PIEZO2: variants seen among roughly 807,000 people sequenced by gnomAD.
PIEZO2 encodes the protein piezo-type mechanosensitive ion channel component 2.
PIEZO2 carries 172 observed loss-of-function variants against 337.3 expected under a neutral mutation model. That is an observed-to-expected ratio of 0.51 (90% confidence interval 0.45 to 0.58). The LOEUF is 0.58. Ranked by LOEUF, PIEZO2 falls within the 20% of genes least tolerant of loss-of-function variation. The probability of loss-of-function intolerance (pLI) is 0.00; values close to 1 mark genes in which losing one functional copy is unlikely to be tolerated. For synonymous variants in PIEZO2, 1,251 were observed against 1,228.5 expected, an observed-to-expected ratio of 1.02 and a Z score of -0.38; for missense variants, 3,028 against 3,391.3, an observed-to-expected ratio of 0.89 and a Z score of 2.66.
chr18:10,924,954 T>TA (rs2031641162), intron 3 of PIEZO2, among the ~76,000 whole-genome samples: 1 of 152,144 alleles, frequency 6.6e-6, no homozygotes, highest in Non-Finnish European at 1.5e-5. Flanking sequence ...TTATGAAAAA[T>TA]AAAAACTTAT....
rs547000060 is a variant in PIEZO2, at chr18:11,081,759, C to CTTT, written c.65-15540_65-15538dup. Among the ~76,000 whole-genome samples the CTTT allele has an allele frequency of 1.6e-3, 223 of 137,452 alleles. 1 individual carries two copies. The highest frequency in any genetic ancestry group is 3.8e-3 in the Middle Eastern group (1 of 264). The allele number at this position is 137,452 out of a possible 152,430, so 90.2% of individuals were successfully genotyped here. On this transcript the variant is annotated intron_variant, in intron 1 of 55. Transcript: ENST00000674853. ...AGCAAACACACCCTACTCAACTCAA[C>CTTT]TTTTTTTTTTTTTTTTTTGAGATGG...
intron 3 of PIEZO2, among the ~76,000 whole-genome samples, chr18:10,956,887 T>G (rs1473834194): frequency 6.7e-6 from 1 of 150,246 alleles, no homozygotes; most frequent in East Asian, 2.0e-4. Flanking sequence ...GAGAATCACT[T>G]GAACCCAGGA....
At position 10,797,733 on chromosome 18, in the gene PIEZO2, A is replaced by G. The variant is rs55633878; in HGVS notation, c.1379-211T>C. Reference sequence around the variant, plus strand: ...TGGGATCTAGCATGTGATAATTGAGAAAGGAAAATTTCCATGTAAGAAGAT... The same window carrying G: ...TGGGATCTAGCATGTGATAATTGAGGAAGGAAAATTTCCATGTAAGAAGAT... On this transcript the variant is annotated intron_variant, in intron 11 of 55. Transcript: ENST00000674853. Among the ~76,000 whole-genome samples, 42,536 of 152,138 alleles carry G rather than the reference A, an allele frequency of 0.28. 6,960 individuals are homozygous for G. Among genetic ancestry groups the G allele is most frequent in the Middle Eastern group, 0.41 (120 of 294 alleles).
intron 42 of PIEZO2, among the ~76,000 whole-genome samples, chr18:10,702,761 T>C (rs929328843): frequency 6.6e-6 from 1 of 152,252 alleles, no homozygotes; most frequent in African/African-American, 2.4e-5. Context: ...GTTTGTATGA[T>C]AGAGTAAATC....
chr18:10,985,702 T>C (rs868483863), intron 2 of PIEZO2, among the ~76,000 whole-genome samples: 2 of 151,904 alleles, frequency 1.3e-5, no homozygotes, highest in African/African-American at 4.8e-5. Flanking sequence ...ATAAGACTCA[T>C]GATAATTACA....
chr18:10,855,408 A>C lies in PIEZO2; in HGVS notation c.862T>G (p.Leu288Val), dbSNP rs1052050225. ...FTAGHLIGLY[L>V]YQFQFFQEAV... Reference sequence around the variant, plus strand: ...TCTTGAAAGAATTGGAACTGGTATAAATAAAGTCCAATCAAATGTCCAGCA... The same window carrying C: ...TCTTGAAAGAATTGGAACTGGTATACATAAAGTCCAATCAAATGTCCAGCA... The change falls in exon 7 of 56, where the codon TTA (leucine) becomes GTA (valine). Residue 288 changes from leucine (L) to valine (V), a missense_variant. Coordinates refer to ENST00000674853, the MANE Select transcript of PIEZO2 (RefSeq NM_001378183.1). The surrounding 1 kb of genome is among the most constrained non-coding windows in gnomAD (Gnocchi z 4.9). 6.5e-7 allele frequency: 1 copy of C among 1,537,144 alleles called. No individual in the cohort carries two copies. Among genetic ancestry groups the C allele is most frequent in the Admixed American group, 2.0e-5 (1 of 51,002 alleles).
chr18:10,717,854 TA>T (rs2143910102), intron 37 of PIEZO2, among the ~76,000 whole-genome samples: 1 of 152,340 alleles, frequency 6.6e-6, no homozygotes, highest in South Asian at 2.1e-4. Flanking sequence ...CTGTGTTTTT[TA>T]AAAATAATTG....
Position 10,682,421 on chromosome 18 carries a change from G to T in PIEZO2, c.7498-129C>A. 1 of 815,324 alleles carries T rather than the reference G, an allele frequency of 1.2e-6. No individual in the cohort carries two copies. The highest frequency in any genetic ancestry group is 1.9e-6 in the Non-Finnish European group (1 of 532,712). The allele number at this position is 815,324 out of a possible 1,614,324, so 50.5% of individuals were successfully genotyped here. On this transcript the variant is annotated intron_variant, in intron 49 of 55. Transcript: ENST00000674853. This position sits in a 1 kb window ranked among gnomAD's most constrained non-coding sequence, Gnocchi z 5.6. ...ATGGATTTGGCCCTGAATCTTCTCT[G>T]TTCGCTCTGAAATGGGGATAGCAAC...
chr18:10,890,304 T>A (rs1296331089), intron 4 of PIEZO2, among the ~76,000 whole-genome samples: 1 of 152,206 alleles, frequency 6.6e-6, no homozygotes, highest in Non-Finnish European at 1.5e-5. Flanking sequence ...AGAGCAGGCC[T>A]CATTTGTCAA....
intron 35 of PIEZO2, among the ~76,000 whole-genome samples, chr18:10,733,854 G>T (rs1192084396): frequency 6.6e-6 from 1 of 152,160 alleles, no homozygotes; most frequent in South Asian, 2.1e-4. Flanking sequence ...AAAATACATG[G>T]AAATTTACAT....
rs543635674 is a variant in PIEZO2, at chr18:11,096,755, G to A, written c.65-30533C>T. Among the ~76,000 whole-genome samples the A allele has an allele frequency of 9.2e-5, 14 of 152,254 alleles. No homozygotes were observed. Among genetic ancestry groups the A allele is most frequent in the Admixed American group, 2.0e-4 (3 of 15,294 alleles). ...AGAAGGGACAGTGAGTTGCCTAGTC[G>A]CCTACATAGCTCAGGCTGACCACAC... On this transcript the variant is annotated intron_variant, in intron 1 of 55. Transcript: ENST00000674853. This position sits in a 1 kb window ranked among gnomAD's most constrained non-coding sequence, Gnocchi z 4.6.
At chr18:10,683,118 T>A (rs2034347800) in intron 49 of PIEZO2, among the ~76,000 whole-genome samples, 1 of 152,252 alleles carries the variant, frequency 6.6e-6, no homozygotes, top group African/African-American at 2.4e-5. Context: ...CCAAGCTACA[T>A]GCAGAACATG....
intron 33 of PIEZO2, chr18:10,740,378 G>A (rs138376682): frequency 4.6e-5 from 7 of 152,458 alleles, no homozygotes; most frequent in African/African-American, 1.7e-4. Context: ...GCATCAGGTG[G>A]CTTGAAGGCT....
At chr18:10,693,659 C>A (rs764342809) in intron 47 of PIEZO2, among the ~76,000 whole-genome samples, 1 of 151,666 alleles carries the variant, frequency 6.6e-6, no homozygotes, top group Admixed American at 6.6e-5. Context: ...AGCCACCATG[C>A]CCAACCCAAT....
intron 3 of PIEZO2, among the ~76,000 whole-genome samples, chr18:10,926,743 C>T (rs1383859744): frequency 1.3e-5 from 2 of 152,156 alleles, no homozygotes; most frequent in Non-Finnish European, 2.9e-5. Context: ...GATCAGCCTG[C>T]CAAGGGTGGC....
chr18:10,827,571 T>C (rs1486961762), intron 7 of PIEZO2, among the ~76,000 whole-genome samples: 2 of 152,164 alleles, frequency 1.3e-5, no homozygotes, highest in Admixed American at 1.3e-4. Context: ...GCTTAGGTGG[T>C]ATTAGGCAGC....
At chr18:10,675,461 C>G (rs1001014927) in intron 53 of PIEZO2, among the ~76,000 whole-genome samples, 173 bp from the exon 54 acceptor site, 2 of 152,148 alleles carry the variant, frequency 1.3e-5, no homozygotes, top group African/African-American at 2.4e-5. Context: ...TCAAAACTCT[C>G]TCATATGGAG....
At chr18:10,757,867 A>C in intron 27 of PIEZO2, 102 bp downstream of exon 27, 1 of 1,214,826 alleles carries the variant, frequency 8.2e-7, no homozygotes, top group Admixed American at 2.6e-5. Context: ...TATACAATTC[A>C]GCAGATCTGT....
Position 10,815,563 on chromosome 18 carries a change from A to G in PIEZO2, c.918-8289T>C, listed in dbSNP as rs1474909692. On this transcript the variant is annotated intron_variant, in intron 7 of 55. Transcript: ENST00000674853. The surrounding 1 kb of genome is among the most constrained non-coding windows in gnomAD (Gnocchi z 4.1). ...ATACAATTGTTTTGGATTGTAAGCT[A>G]CAGGGTCACCAGATTTCTTATGTGA... Among the ~76,000 whole-genome samples, 5 of 152,210 alleles carry G rather than the reference A, an allele frequency of 3.3e-5. No individual in the cohort carries two copies. Among genetic ancestry groups the G allele is most frequent in the African/African-American group, 1.2e-4 (5 of 41,456 alleles).
Sources: gnomAD v4.1 joint callset for allele counts (sites outside exome capture counted in the v4.1 genomes callset) on GRCh38, gnomAD v4.1.1 for gene constraint, Gnocchi (gnomAD v3.1) non-coding constraint, MANE v1.5 for transcripts, NCBI Gene and HGNC (gene_info 2026-07-23, HGNC 2026-07-21) for gene names.